The following BMPR1A variants were observed in gnomAD, a reference collection of about 807,000 sequenced individuals.
The protein encoded by BMPR1A is bone morphogenetic protein receptor type-1A.
BMPR1A carries 7 observed loss-of-function variants against 66.0 expected under a neutral mutation model. The observed-to-expected ratio is 0.11, with a 90% CI of 0.06 to 0.20. BMPR1A has a LOEUF of 0.20. Among genes scored for constraint, BMPR1A ranks in the 10% least tolerant of loss-of-function variants. BMPR1A has a pLI of 1.00. For missense variants in BMPR1A, 408 were observed against 669.1 expected (o/e 0.61, Z 4.31); for synonymous variants, 200 against 229.7 (o/e 0.87, Z 1.17).
At chr10:86,812,836 G>A (rs1448675615) in intron 1 of BMPR1A, among the ~76,000 whole-genome samples, 1 of 152,032 alleles carries the variant, frequency 6.6e-6, no homozygotes, top group Non-Finnish European at 1.5e-5. Flanking sequence ...GGCTTCATTA[G>A]GGTTCACTCT....
At chr10:86,882,755 A>G (rs1349215617) in intron 3 of BMPR1A, among the ~76,000 whole-genome samples, 1 of 152,002 alleles carries the variant, frequency 6.6e-6, no homozygotes, top group African/African-American at 2.4e-5. Flanking sequence ...ACCTGAGGTC[A>G]GGAGTTCGAG....
intron 1 of BMPR1A, among the ~76,000 whole-genome samples, chr10:86,821,761 A>C (rs1485799959): frequency 6.6e-6 from 1 of 151,938 alleles, no homozygotes; most frequent in Non-Finnish European, 1.5e-5. Flanking sequence ...ATCATTACCC[A>C]CAGATGTTTC....
intron 2 of BMPR1A, among the ~76,000 whole-genome samples, chr10:86,866,399 CTTTTT>C (rs1048293127): frequency 2.9e-5 from 2 of 69,474 alleles, no homozygotes; most frequent in African/African-American, 5.3e-5. Flanking sequence ...AAGTTTCTTT[CTTTTT>C]TTTTTTTTTT....
At chr10:86,892,035 C>G in intron 4 of BMPR1A, 92 bp from the exon 5 acceptor site, 1 of 927,600 alleles carries the variant, frequency 1.1e-6, no homozygotes, top group Non-Finnish European at 1.7e-6. Context: ...GTATTAAAGG[C>G]CATCTGTACC....
intron 7 of BMPR1A, among the ~76,000 whole-genome samples, chr10:86,910,291 T>C (rs1843459705): frequency 6.6e-6 from 1 of 152,144 alleles, no homozygotes; most frequent in South Asian, 2.1e-4. Context: ...TGAGCTGAGA[T>C]TGCGCCATTG....
intron 1 of BMPR1A, among the ~76,000 whole-genome samples, chr10:86,801,460 A>G (rs773842882): frequency 2.0e-5 from 3 of 152,116 alleles, no homozygotes; most frequent in Non-Finnish European, 4.4e-5. Flanking sequence ...CTTAGAGATT[A>G]ATATCACCTA....
chr10:86,917,476 A>C, intron 9 of BMPR1A, 150 bp downstream of exon 9: 1 of 960,506 alleles, frequency 1.0e-6, no homozygotes, highest in Non-Finnish European at 1.6e-6. Context: ...TGAATAAAAC[A>C]TAGTCCGGAA....
At position 86,875,919 on chromosome 10, in the gene BMPR1A, T is replaced by C; in HGVS notation, c.-100T>C. On this transcript the variant is annotated 5_prime_UTR_variant, in exon 3 of 13. Coordinates refer to ENST00000372037, the MANE Select transcript of BMPR1A (RefSeq NM_004329.3). ...AGTCATTGTCAAGTGCTTGCGATCT[T>C]TTACAAGAAAATCTCACTGAATGAT... 1.9e-6 allele frequency: 2 copies of C among 1,056,618 alleles called. No homozygotes were observed. The highest frequency in any genetic ancestry group is 1.5e-6 in the Non-Finnish European group (1 of 680,196). The allele number at this position is 1,056,618 out of a possible 1,614,324, so 65.5% of individuals were successfully genotyped here.
intron 3 of BMPR1A, among the ~76,000 whole-genome samples, chr10:86,883,890 A>G (rs1297467107): frequency 8.2e-6 from 1 of 122,460 alleles, no homozygotes; most frequent in Non-Finnish European, 1.7e-5. Context: ...TTTTTTTTCT[A>G]TTTGAGACGA....
chr10:86,828,919 A>G (rs990710566), intron 1 of BMPR1A, among the ~76,000 whole-genome samples: 1 of 152,238 alleles, frequency 6.6e-6, no homozygotes, highest in Non-Finnish European at 1.5e-5. Context: ...GAGAATGTGC[A>G]AGTGTTTTTA....
upstream of BMPR1A, chr10:86,756,381 C>T (rs529197255): frequency 6.6e-6 from 1 of 152,010 alleles, no homozygotes; most frequent in Non-Finnish European, 1.5e-5. Flanking sequence ...TCGGCGCCCC[C>T]TTGCCGGCGG....
Position 86,924,401 on chromosome 10 carries a change from T to A in BMPR1A, c.*682T>A, listed in dbSNP as rs1375498862. ...CGCCAATCTCATACAAGCCATTTACTTTGCAAGTGAGATAGCTTCCCCACC... is the reference window on the plus strand; with the variant it reads ...CGCCAATCTCATACAAGCCATTTACATTGCAAGTGAGATAGCTTCCCCACC... On this transcript the variant is annotated 3_prime_UTR_variant, in exon 13 of 13. Transcript: ENST00000372037. 4.3e-6 allele frequency: 1 copy of A among 233,846 alleles called. No homozygotes were observed. Among genetic ancestry groups the A allele is most frequent in the Non-Finnish European group, 8.5e-6 (1 of 118,218 alleles). The allele number at this position is 233,846 out of a possible 1,614,324, so 14.5% of individuals were successfully genotyped here.
chr10:86,899,810 A>G lies in BMPR1A; in HGVS notation c.350A>G (p.Gln117Arg), dbSNP rs1360094214. 6.2e-7 allele frequency: 1 copy of G among 1,614,058 alleles called. No individual in the cohort carries two copies. Among genetic ancestry groups the G allele is most frequent in the East Asian group, 2.2e-5 (1 of 44,886 alleles). Reference sequence around the variant, plus strand: ...TTCTTTTAGGATTCTCCAAAAGCCCAGCTACGCCGGACAATAGAATGTTGT... The same window carrying G: ...TTCTTTTAGGATTCTCCAAAAGCCCGGCTACGCCGGACAATAGAATGTTGT... ...DFQCKDSPKAQLRRTIECCRT... is the reference protein window; with the variant it reads ...DFQCKDSPKARLRRTIECCRT... Residue 117 changes from glutamine (Q) to arginine (R), a missense_variant, in exon 6 of 13, where the codon CAG becomes CGG. Gln to Arg is a conservative substitution (Grantham distance 43). Around this residue, in one of 5 missense-constraint regions of BMPR1A, gnomAD observed 174 missense variants for 265.1 expected, o/e 0.66. Coordinates refer to ENST00000372037, the MANE Select transcript of BMPR1A (RefSeq NM_004329.3).
intron 1 of BMPR1A, among the ~76,000 whole-genome samples, chr10:86,812,462 G>C (rs1589727972): frequency 6.6e-6 from 1 of 152,168 alleles, no homozygotes; most frequent in African/African-American, 2.4e-5. Context: ...ATGATGAATA[G>C]AGCTGCTCTA....
At position 86,793,224 on chromosome 10, in the gene BMPR1A, A is replaced by G. The variant is rs370039099; in HGVS notation, c.-268+36305A>G. Among the ~76,000 whole-genome samples the G allele has an allele frequency of 8.7e-4, 133 of 152,154 alleles. 3 individuals carry two copies. The South Asian group carries it at 0.026, about 30-fold the overall frequency. On this transcript the variant is annotated intron_variant, in intron 1 of 12. Coordinates refer to ENST00000372037, the MANE Select transcript of BMPR1A (RefSeq NM_004329.3). Reference sequence around the variant, plus strand: ...CAGTTGACTTGTTAGGAGAAGAGGAAGAAGAATTAAAAAGTATAGCATTGG... The same window carrying G: ...CAGTTGACTTGTTAGGAGAAGAGGAGGAAGAATTAAAAAGTATAGCATTGG...
chr10:86,922,849 C>A (rs764123445), intron 11 of BMPR1A, among the ~76,000 whole-genome samples: 10 of 152,248 alleles, frequency 6.6e-5, no homozygotes, highest in Non-Finnish European at 1.3e-4. Context: ...TGGTGAGTTA[C>A]CCTCACCGTT....
chr10:86,892,041 G>C (rs1843157039), intron 4 of BMPR1A, 86 bp from the exon 5 acceptor site: 2 of 1,015,448 alleles, frequency 2.0e-6, no homozygotes, highest in African/African-American at 1.6e-5. Flanking sequence ...AAGGCCATCT[G>C]TACCTGTTCA....
intron 1 of BMPR1A, among the ~76,000 whole-genome samples, chr10:86,793,134 T>C (rs1267349687): frequency 2.1e-5 from 2 of 96,950 alleles, no homozygotes; most frequent in East Asian, 6.7e-4. Context: ...CACATGGTGG[T>C]GTGGACAAGG....
chr10:86,791,704 C>G (rs1157953538), intron 1 of BMPR1A, among the ~76,000 whole-genome samples: 1 of 108,092 alleles, frequency 9.3e-6, no homozygotes, highest in African/African-American at 3.6e-5. Context: ...TCCCTCCCTC[C>G]CTCCCTCCCT....
Sources: gnomAD v4.1 joint callset for allele counts (sites outside exome capture counted in the v4.1 genomes callset) on GRCh38, gnomAD v4.1.1 for gene constraint, gnomAD v4.1.1 regional missense constraint, MANE v1.5 for transcripts, NCBI Gene and HGNC (gene_info 2026-07-23, HGNC 2026-07-21) for gene names.